The following SPTBN1 variants were observed in gnomAD, a reference collection of about 807,000 sequenced individuals.
The protein encoded by SPTBN1 is spectrin beta, non-erythrocytic 1.
In SPTBN1, 32 loss-of-function variants were observed where a neutral mutation model predicts 266.4. That is an observed-to-expected ratio of 0.12 (90% confidence interval 0.09 to 0.16). SPTBN1 has a LOEUF of 0.16. Ranked by LOEUF, SPTBN1 falls within the 10% of genes least tolerant of loss-of-function variation. The pLI, the probability that SPTBN1 is intolerant of heterozygous loss-of-function variation, is 1.00. For missense variants in SPTBN1, 2,296 were observed against 3,067.1 expected (o/e 0.75, Z 5.94); for synonymous variants, 1,336 against 1,162.2 (o/e 1.15, Z -3.04).
At chr2:54,643,982 C>CAAT (rs56299899) in intron 19 of SPTBN1, among the ~76,000 whole-genome samples, 184 of 149,852 alleles carry the variant, frequency 1.2e-3, no homozygotes, top group Admixed American at 3.9e-3. Flanking sequence ...AATATAATAA[C>CAAT]AATAATAATA....
chr2:54,640,960 T>C (rs1679495653), intron 18 of SPTBN1, among the ~76,000 whole-genome samples: 3 of 152,234 alleles, frequency 2.0e-5, no homozygotes. Context: ...TGGAACTGAT[T>C]TTTATTTTTC....
chr2:54,527,806 T>C (rs1278904914), intron 2 of SPTBN1: 2 of 152,220 alleles, frequency 1.3e-5, no homozygotes, highest in African/African-American at 4.8e-5. Flanking sequence ...ATGACTTGGA[T>C]CATGTGCTTC....
chr2:54,589,858 G>A (rs1261889239), intron 2 of SPTBN1, among the ~76,000 whole-genome samples: 1 of 152,128 alleles, frequency 6.6e-6, no homozygotes, highest in Non-Finnish European at 1.5e-5. Flanking sequence ...AAGGCATATA[G>A]GGGGACTCCA....
intron 2 of SPTBN1, among the ~76,000 whole-genome samples, chr2:54,579,441 T>A (rs1558863338): frequency 7.8e-6 from 1 of 128,550 alleles, no homozygotes; most frequent in Non-Finnish European, 1.6e-5. Flanking sequence ...ACTCCCCATC[T>A]TTCACACTCA....
chr2:54,583,588 T>C (rs1212631002), intron 2 of SPTBN1, among the ~76,000 whole-genome samples: 5 of 152,204 alleles, frequency 3.3e-5, no homozygotes, highest in African/African-American at 7.2e-5. Flanking sequence ...AATGTCACTT[T>C]TTAAAAATTA....
intron 1 of SPTBN1, chr2:54,515,893 A>T (rs1175103004): frequency 1.3e-5 from 2 of 152,122 alleles, no homozygotes; most frequent in African/African-American, 2.4e-5. Flanking sequence ...TTATATATCT[A>T]TGCTAATATG....
intron 2 of SPTBN1, among the ~76,000 whole-genome samples, chr2:54,565,541 A>G (rs1174238795): frequency 6.6e-6 from 1 of 152,202 alleles, no homozygotes; most frequent in Non-Finnish European, 1.5e-5. Flanking sequence ...AAAAATAGAG[A>G]TAAACCTAAT....
At chr2:54,503,553 T>C (rs1669389133) in intron 1 of SPTBN1, among the ~76,000 whole-genome samples, 1 of 152,198 alleles carries the variant, frequency 6.6e-6, no homozygotes, top group Non-Finnish European at 1.5e-5. Context: ...AAATGAGAAG[T>C]CTCCATGAGC....
chr2:54,660,908 C>A (rs1680997165), intron 32 of SPTBN1: 7 of 985,440 alleles, frequency 7.1e-6, no homozygotes, highest in Non-Finnish European at 8.4e-6. Flanking sequence ...TCACAGACTT[C>A]CATGCCTCTC....
At chr2:54,472,215 G>A (rs1206639796) in intron 1 of SPTBN1, among the ~76,000 whole-genome samples, 3 of 151,822 alleles carry the variant, frequency 2.0e-5, no homozygotes, top group African/African-American at 7.3e-5. Flanking sequence ...TTTTAGTAGA[G>A]ACAGGGTTTC....
At chr2:54,511,079 C>G (rs1423583619) in intron 1 of SPTBN1, among the ~76,000 whole-genome samples, 2 of 152,186 alleles carry the variant, frequency 1.3e-5, no homozygotes, top group African/African-American at 4.8e-5. Flanking sequence ...CCACAGTAGA[C>G]ATACTTAACA....
intron 1 of SPTBN1, among the ~76,000 whole-genome samples, chr2:54,480,199 C>T (rs1668029699): frequency 6.6e-6 from 1 of 151,954 alleles, no homozygotes; most frequent in Non-Finnish European, 1.5e-5. Flanking sequence ...GTGTAATTAG[C>T]ATCTACACTG....
intron 33 of SPTBN1, among the ~76,000 whole-genome samples, chr2:54,665,652 T>TG (rs1681319778): frequency 6.6e-6 from 1 of 152,204 alleles, no homozygotes; most frequent in African/African-American, 2.4e-5. Flanking sequence ...GAGGGTAACT[T>TG]GCTTTTCTCC....
chr2:54,662,242 C>G, intron 32 of SPTBN1: 1 of 985,390 alleles, frequency 1.0e-6, no homozygotes. Flanking sequence ...ATGTGTGTCT[C>G]TAGTGGTGTG....
intron 28 of SPTBN1, 91 bp downstream of exon 28, chr2:54,655,299 TTTACA>T: frequency 6.7e-7 from 1 of 1,498,638 alleles, no homozygotes; most frequent in Admixed American, 1.9e-5. Flanking sequence ...AGATACTGTG[TTTACA>T]TTCTTATACA....
chr2:54,643,567 ATG>A (rs1276557317), intron 19 of SPTBN1, among the ~76,000 whole-genome samples: 1 of 152,210 alleles, frequency 6.6e-6, no homozygotes, highest in African/African-American at 2.4e-5. Context: ...AATTACTATG[ATG>A]TGTTATTCTT....
chr2:54,574,169 T>C (rs1674294998), intron 2 of SPTBN1, among the ~76,000 whole-genome samples: 1 of 152,080 alleles, frequency 6.6e-6, no homozygotes, highest in South Asian at 2.1e-4. Context: ...GACTGTGCTA[T>C]TTATGACATA....
intron 17 of SPTBN1, among the ~76,000 whole-genome samples, chr2:54,635,478 TC>T (rs1679057489): frequency 6.6e-6 from 1 of 152,226 alleles, no homozygotes; most frequent in African/African-American, 2.4e-5. Context: ...ATCTTGATGG[TC>T]CCACTATAGG....
At chr2:54,575,727 A>G (rs1674414594) in intron 2 of SPTBN1, among the ~76,000 whole-genome samples, 1 of 152,274 alleles carries the variant, frequency 6.6e-6, no homozygotes, top group South Asian at 2.1e-4. Context: ...GATGCAATTA[A>G]GCAGTGACTC....
Sources: allele counts gnomAD v4.1 joint callset (sites outside exome capture counted in the v4.1 genomes callset), GRCh38; gene constraint gnomAD v4.1.1; transcripts MANE v1.5; gene names NCBI Gene and HGNC (gene_info 2026-07-23, HGNC 2026-07-21).